RIMS2: variants seen among roughly 807,000 people sequenced by gnomAD.
RIMS2 encodes the protein regulating synaptic membrane exocytosis 2.
In RIMS2, 59 loss-of-function variants were observed where a neutral mutation model predicts 174.4. That is an observed-to-expected ratio of 0.34 (90% confidence interval 0.27 to 0.42). The LOEUF (loss-of-function observed/expected upper bound fraction) is 0.42, where lower values mean the gene tolerates loss of function less well. Ranked by LOEUF, RIMS2 falls within the 10% of genes least tolerant of loss-of-function variation. The probability of loss-of-function intolerance (pLI) is 1.00; values close to 1 mark genes in which losing one functional copy is unlikely to be tolerated. For synonymous variants in RIMS2, 606 were observed against 572.5 expected (o/e 1.06, Z -0.84); for missense variants, 1,620 against 1,666.3 (o/e 0.97, Z 0.48).
chr8:104,008,364 G>A (rs190205328), intron 17 of RIMS2, among the ~76,000 whole-genome samples: 2 of 150,368 alleles, frequency 1.3e-5, no homozygotes, highest in Admixed American at 1.3e-4. Flanking sequence ...AATTATTATG[G>A]GTAAATATTC....
chr8:104,217,938 G>A (rs2099138127), intron 19 of RIMS2, among the ~76,000 whole-genome samples: 1 of 152,176 alleles, frequency 6.6e-6, no homozygotes, highest in Admixed American at 6.5e-5. Flanking sequence ...TTAGGATCCT[G>A]AGGGTTGGTT....
At chr8:104,077,261 G>T (rs919992408) in intron 19 of RIMS2, among the ~76,000 whole-genome samples, 1 of 151,980 alleles carries the variant, frequency 6.6e-6, no homozygotes, top group Non-Finnish European at 1.5e-5. Context: ...GATGATGATA[G>T]GAAAGAAGGA....
chr8:103,778,495 T>G (rs1219639176), intron 3 of RIMS2, among the ~76,000 whole-genome samples: 1 of 152,096 alleles, frequency 6.6e-6, no homozygotes, highest in Non-Finnish European at 1.5e-5. Context: ...CCTACATGAG[T>G]GAGAACATGT....
chr8:103,613,128 G>A (rs745889378), intron 1 of RIMS2, among the ~76,000 whole-genome samples: 16 of 152,198 alleles, frequency 1.1e-4, no homozygotes, highest in Non-Finnish European at 2.1e-4. Context: ...TTCCTTCAGG[G>A]TGGTGCATTT....
chr8:104,109,101 T>C (rs539154403), intron 19 of RIMS2, among the ~76,000 whole-genome samples: 1 of 151,668 alleles, frequency 6.6e-6, no homozygotes, highest in East Asian at 1.9e-4. Flanking sequence ...ATCGAGACCA[T>C]CTTGGCTAAC....
At chr8:103,606,315 G>A (rs1239764236) in intron 1 of RIMS2, among the ~76,000 whole-genome samples, 6 of 151,024 alleles carry the variant, frequency 4.0e-5, no homozygotes, top group African/African-American at 1.5e-4. Context: ...GCAGTTTTGA[G>A]TGAGATTCTT....
intron 1 of RIMS2, among the ~76,000 whole-genome samples, chr8:103,541,380 A>G (rs1842505057): frequency 1.3e-5 from 2 of 152,236 alleles, no homozygotes; most frequent in Admixed American, 6.5e-5. Context: ...TACTTTACCC[A>G]CAAAGCTGTT....
intron 15 of RIMS2, among the ~76,000 whole-genome samples, chr8:103,975,112 G>A (rs565935810): frequency 1.6e-4 from 24 of 152,206 alleles, no homozygotes; most frequent in Admixed American, 1.2e-3. Context: ...AAAGCTTTAC[G>A]CAGCACAATG....
intron 19 of RIMS2, among the ~76,000 whole-genome samples, chr8:104,079,850 A>G (rs1566235312): frequency 6.6e-6 from 1 of 151,630 alleles, no homozygotes; most frequent in South Asian, 2.1e-4. Flanking sequence ...CTTGGCCACA[A>G]TAAGCACTCA....
At chr8:103,760,379 C>G (rs1032269275) in intron 2 of RIMS2, among the ~76,000 whole-genome samples, 4 of 152,192 alleles carry the variant, frequency 2.6e-5, no homozygotes, top group Admixed American at 2.6e-4. Flanking sequence ...AATCCAGAAT[C>G]TTAGTATTTA....
Position 103,973,579 on chromosome 8 carries a change from A to G in RIMS2, c.2771-1771A>G, listed in dbSNP as rs369430673. Among the ~76,000 whole-genome samples the G allele has an allele frequency of 4.3e-4, 66 of 152,340 alleles. No individual in the cohort carries two copies. The South Asian group carries it at 8.1e-3, about 19-fold the overall frequency. On this transcript the variant is annotated intron_variant, in intron 15 of 23. Transcript: ENST00000504942. Reference sequence around the variant, plus strand: ...GGAGTATATCTAGATGGAAAGAAGGATAAGTCTGCAAAGTTATGAACTCAA... The same window carrying G: ...GGAGTATATCTAGATGGAAAGAAGGGTAAGTCTGCAAAGTTATGAACTCAA...
At chr8:103,850,685 T>C (rs2098993005) in intron 3 of RIMS2, among the ~76,000 whole-genome samples, 1 of 152,078 alleles carries the variant, frequency 6.6e-6, no homozygotes, top group African/African-American at 2.4e-5. Flanking sequence ...CTTGTATTTA[T>C]ATTTCTGGCT....
chr8:104,222,619 T>A (rs1180523476), intron 19 of RIMS2, among the ~76,000 whole-genome samples: 1 of 152,180 alleles, frequency 6.6e-6, no homozygotes, highest in Non-Finnish European at 1.5e-5. Context: ...TTGCTTTAGG[T>A]TCCGGGATAG....
intron 9 of RIMS2, 193 bp downstream of exon 12, chr8:103,918,680 G>GT (rs899445147): frequency 9.7e-5 from 53 of 547,660 alleles, no homozygotes; most frequent in African/African-American, 3.0e-4. Context: ...AATATTTTAA[G>GT]TTTTTTTTAA....
At chr8:103,600,334 A>G (rs777352447) in intron 1 of RIMS2, among the ~76,000 whole-genome samples, 3 of 151,716 alleles carry the variant, frequency 2.0e-5, no homozygotes, top group Admixed American at 6.6e-5. Flanking sequence ...CAGTGGTGCA[A>G]TCTTGGCTCA....
At chr8:103,539,073 C>T (rs11778904) in intron 1 of RIMS2, among the ~76,000 whole-genome samples, 119 of 152,150 alleles carry the variant, frequency 7.8e-4, no homozygotes, top group Non-Finnish European at 1.1e-3. Flanking sequence ...ATGGCATGTG[C>T]CTTTAATCTC....
chr8:103,723,034 C>T (rs2097474878), intron 2 of RIMS2, among the ~76,000 whole-genome samples: 2 of 152,254 alleles, frequency 1.3e-5, no homozygotes, highest in South Asian at 2.1e-4. Context: ...ATCACATGAA[C>T]CCAGGAGGTG....
At chr8:103,969,793 G>C (rs915593961) in intron 15 of RIMS2, among the ~76,000 whole-genome samples, 1 of 152,106 alleles carries the variant, frequency 6.6e-6, no homozygotes, top group South Asian at 2.1e-4. Flanking sequence ...AGTCGCCCAG[G>C]ATGGAGGGCA....
chr8:103,706,954 A>G (rs889614228), intron 2 of RIMS2, among the ~76,000 whole-genome samples: 1 of 152,158 alleles, frequency 6.6e-6, no homozygotes. Context: ...TTTCTAGATC[A>G]TGTAAGTGTA....
Sources: gnomAD v4.1 joint callset for allele counts (sites outside exome capture counted in the v4.1 genomes callset) on GRCh38, gnomAD v4.1.1 for gene constraint, MANE v1.5 for transcripts, NCBI Gene and HGNC (gene_info 2026-07-23, HGNC 2026-07-21) for gene names.